ME1: variants seen among roughly 807,000 people sequenced by gnomAD.
ME1 encodes malic enzyme 1.
Under a neutral mutation model 66.4 loss-of-function variants are expected in ME1, and 74 were observed. The observed-to-expected ratio is 1.11, with a 90% CI of 0.92 to 1.35. ME1 has a LOEUF of 1.35. Among genes scored for constraint, ME1 ranks in the 40% most tolerant of loss-of-function variants. ME1 has a pLI of 0.00. For missense variants in ME1, 750 were observed against 694.1 expected (o/e 1.08, Z -0.90); for synonymous variants, 251 against 235.6 (o/e 1.07, Z -0.60).
intron 3 of ME1, among the ~76,000 whole-genome samples, chr6:83,391,873 A>G (rs1025776026): frequency 2.0e-5 from 3 of 152,224 alleles, no homozygotes; most frequent in Admixed American, 2.0e-4. Flanking sequence ...AATGAGACCC[A>G]CAGTGTCCAC....
chr6:83,397,989 C>T (rs1006356098), intron 3 of ME1, among the ~76,000 whole-genome samples: 2 of 151,882 alleles, frequency 1.3e-5, no homozygotes, highest in Admixed American at 6.6e-5. Context: ...GTAGGGGGAG[C>T]GGGTTGCGGG....
intron 3 of ME1, chr6:83,393,088 C>G: frequency 6.9e-7 from 1 of 1,450,882 alleles, no homozygotes; most frequent in East Asian, 2.3e-5. Context: ...GGGAAGCTCA[C>G]TGGCATGGCC....
chr6:83,255,404 A>G (rs2128528539), intron 6 of ME1, among the ~76,000 whole-genome samples: 1 of 152,064 alleles, frequency 6.6e-6, no homozygotes, highest in Non-Finnish European at 1.5e-5. Flanking sequence ...TTCACCAAAT[A>G]AATTTTAAAT....
rs534676234 is a variant in ME1 at position 83,334,247 on chromosome 6, G to T, written c.600+11926C>A. Among the ~76,000 whole-genome samples the T allele has an allele frequency of 2.1e-5, 3 of 144,222 alleles. No homozygotes were observed. The East Asian group carries it at 6.2e-4, about 30-fold the overall frequency. 94.6% of individuals were successfully genotyped at this position (144,222 alleles called of 152,430 possible). Reference sequence around the variant, plus strand: ...CGGGTCACTCCCACCCGAATATTGCGCTTTTCAGACCGGCTTAAGAAACGG... The same window carrying T: ...CGGGTCACTCCCACCCGAATATTGCTCTTTTCAGACCGGCTTAAGAAACGG... On this transcript the variant is annotated intron_variant, in intron 5 of 13. Transcript: ENST00000369705.
chr6:83,308,423 T>C (rs1767864509), intron 6 of ME1, among the ~76,000 whole-genome samples: 1 of 150,916 alleles, frequency 6.6e-6, no homozygotes, highest in Admixed American at 6.6e-5. Context: ...TTTTAGGCAG[T>C]AAAGCTGAAG....
rs572747435 is a variant in ME1 at position 83,280,615 on chromosome 6, G to C, written c.705-26877C>G. On this transcript the variant is annotated intron_variant, in intron 6 of 13. Coordinates refer to ENST00000369705, the MANE Select transcript of ME1 (RefSeq NM_002395.6). Reference sequence around the variant, plus strand: ...TGGAGCTACTTATATTTCACATTTTGTCTCCACTAACTGCTCCTTTTGCTG... The same window carrying C: ...TGGAGCTACTTATATTTCACATTTTCTCTCCACTAACTGCTCCTTTTGCTG... Among the ~76,000 whole-genome samples, 20 of 152,266 alleles carry C rather than the reference G, an allele frequency of 1.3e-4. No homozygotes were observed. The South Asian group carries it at 4.1e-3, about 32-fold the overall frequency.
intron 6 of ME1, among the ~76,000 whole-genome samples, chr6:83,292,730 G>A (rs951643641): frequency 2.0e-5 from 3 of 152,212 alleles, no homozygotes; most frequent in Admixed American, 2.0e-4. Flanking sequence ...TGTCCCCAGA[G>A]GTGGAATCTA....
intron 3 of ME1, among the ~76,000 whole-genome samples, chr6:83,368,082 G>A (rs1306886317): frequency 6.6e-6 from 1 of 152,076 alleles, no homozygotes; most frequent in Admixed American, 6.6e-5. Flanking sequence ...AAAGTGAGAT[G>A]AGAACTGCTG....
chr6:83,421,196 T>C (rs1470664530), intron 1 of ME1, among the ~76,000 whole-genome samples: 1 of 152,176 alleles, frequency 6.6e-6, no homozygotes, highest in African/African-American at 2.4e-5. Flanking sequence ...GTATAGAGTT[T>C]TTGTCTTACA....
intron 3 of ME1, among the ~76,000 whole-genome samples, chr6:83,356,041 G>T (rs1768883232): frequency 6.6e-6 from 1 of 151,930 alleles, no homozygotes; most frequent in African/African-American, 2.4e-5. Context: ...AACAGATTTG[G>T]GAGATGAGAT....
chr6:83,349,093 T>C (rs1428642259), intron 4 of ME1, among the ~76,000 whole-genome samples: 1 of 151,360 alleles, frequency 6.6e-6, no homozygotes, highest in Non-Finnish European at 1.5e-5. Context: ...TATTATTTAA[T>C]AATATACATA....
intron 6 of ME1, among the ~76,000 whole-genome samples, chr6:83,292,879 G>A (rs760993344): frequency 1.1e-4 from 16 of 152,228 alleles, no homozygotes; most frequent in Non-Finnish European, 2.2e-4. Context: ...CCAAGCTCCC[G>A]CATCCCAGGT....
chr6:83,391,006 GAAAT>G (rs1397886223), intron 3 of ME1, among the ~76,000 whole-genome samples: 1 of 152,060 alleles, frequency 6.6e-6, no homozygotes, highest in Non-Finnish European at 1.5e-5. Context: ...GACAGTAAGT[GAAAT>G]AAATAGACTA....
intron 6 of ME1, among the ~76,000 whole-genome samples, chr6:83,280,150 G>A (rs762728718): frequency 4.6e-5 from 7 of 151,970 alleles, no homozygotes; most frequent in Non-Finnish European, 5.9e-5. Context: ...GAATTATGTC[G>A]GATATTAGAT....
In ME1 at chr6:83,429,655, GCA is replaced by G. The variant is rs1271454749; in HGVS notation, c.78+1220_78+1221del. Among the ~76,000 whole-genome samples, 4 of 152,274 alleles carry G rather than the reference GCA, an allele frequency of 2.6e-5. No homozygotes were observed. In the East Asian group the frequency reaches 7.7e-4, roughly 29 times the overall value. ...TAATAATGCTACATGACGGCAGATA[GCA>G]CACAGTCATAGATTTGTAAAAGGTG... On this transcript the variant is annotated intron_variant, in intron 1 of 13. Coordinates refer to ENST00000369705, the MANE Select transcript of ME1 (RefSeq NM_002395.6).
At chr6:83,262,625 A>T (rs568678332) in intron 6 of ME1, among the ~76,000 whole-genome samples, 5 of 152,350 alleles carry the variant, frequency 3.3e-5, no homozygotes, top group African/African-American at 4.8e-5. Context: ...AGAATTGTAT[A>T]TTATTTTACT....
In ME1 at chr6:83,308,618, A is replaced by G. The variant is rs923093013; in HGVS notation, c.704+6692T>C. On this transcript the variant is annotated intron_variant, in intron 6 of 13. Transcript: ENST00000369705. ...CCATTCATACTTTTCATTTTAAGCT[A>G]TATAAACAAAACAAATCAAATTTTA... is the stretch of plus-strand genomic sequence containing the variant. 4.6e-5 allele frequency among the ~76,000 whole-genome samples: 7 copies of G among 151,706 alleles called. No homozygotes were observed. In the Admixed American group the frequency reaches 4.6e-4, roughly 10 times the overall value.
At chr6:83,396,234 C>T (rs1028147579) in intron 3 of ME1, among the ~76,000 whole-genome samples, 3 of 151,832 alleles carry the variant, frequency 2.0e-5, no homozygotes, top group Non-Finnish European at 4.4e-5. Context: ...TATGGTGGTG[C>T]GCACCTGTAA....
At chr6:83,424,626 T>C (rs1045297562) in intron 1 of ME1, among the ~76,000 whole-genome samples, 18 of 152,178 alleles carry the variant, frequency 1.2e-4, no homozygotes, top group Non-Finnish European at 1.8e-4. Context: ...CTCACCTACA[T>C]GTTCCTGTCA....
Sources: allele counts gnomAD v4.1 joint callset (sites outside exome capture counted in the v4.1 genomes callset), GRCh38; gene constraint gnomAD v4.1.1; transcripts MANE v1.5; gene names NCBI Gene and HGNC (gene_info 2026-07-23, HGNC 2026-07-21).